Variants in DNAJA4 observed in about 807,000 individuals in gnomAD.
The protein encoded by DNAJA4 is dnaJ homolog subfamily A member 4.
DNAJA4 carries 32 observed loss-of-function variants against 39.7 expected under a neutral mutation model. That is an observed-to-expected ratio of 0.81 (90% CI 0.61 to 1.08). The LOEUF (loss-of-function observed/expected upper bound fraction) is 1.08, where lower values mean the gene tolerates loss of function less well. DNAJA4 is among the 50% of genes least tolerant of loss of function. The pLI, the probability that DNAJA4 is intolerant of heterozygous loss-of-function variation, is 0.00. For missense variants in DNAJA4, 439 were observed against 505.1 expected, an observed-to-expected ratio of 0.87 and a Z score of 1.25; for synonymous variants, 184 against 182.4, an observed-to-expected ratio of 1.01 and a Z score of -0.07.
rs1469879702 is a variant in DNAJA4 at position 78,280,046 on chromosome 15, T to A, written c.879T>A (p.Gly293=). ...NRILVITSKA[G]EVIKHGDLRC... ...CCTAATTGACCCTTTCTCTGGCAGG[T>A]GAGGTGATAAAGCACGGGGACCTGA... The change falls in exon 6 of 7, where the codon GGT becomes GGA. Residue 293 remains glycine (G), a splice_region_variant and synonymous_variant. Coordinates refer to ENST00000394852, the MANE Select transcript of DNAJA4 (RefSeq NM_001130182.2). 8.7e-6 allele frequency: 14 copies of A among 1,613,920 alleles called. No individual in the cohort carries two copies. Among genetic ancestry groups the A allele is most frequent in the Non-Finnish European group, 1.2e-5 (14 of 1,179,874 alleles).
In DNAJA4 at chr15:78,280,307, C is replaced by T; in HGVS notation, c.1041C>T (p.Leu347=). The T allele has an allele frequency of 6.2e-7, 1 of 1,614,240 alleles. No individual in the cohort carries two copies. Among genetic ancestry groups the T allele is most frequent in the Non-Finnish European group, 8.5e-7 (1 of 1,180,050 alleles). ...LEKLPQLEAL[L]PPRQKVRITD... ...AGCTTCCTCAGCTGGAAGCTTTACTCCCTCCTCGACAGAAAGTGAGGATTA... is the reference window on the plus strand; with the variant it reads ...AGCTTCCTCAGCTGGAAGCTTTACTTCCTCCTCGACAGAAAGTGAGGATTA... The change falls in exon 7 of 7, where the codon CTC becomes CTT. Residue 347 remains leucine (L), a synonymous_variant. Coordinates refer to ENST00000394852, the MANE Select transcript of DNAJA4 (RefSeq NM_001130182.2).
rs71148512 is a variant in DNAJA4, at chr15:78,267,465, G to GTT, written c.132+2579_132+2580dup. Among the ~76,000 whole-genome samples the GTT allele has an allele frequency of 9.5e-4, 141 of 148,020 alleles. 1 individual carries two copies. Among genetic ancestry groups the GTT allele is most frequent in the South Asian group, 6.7e-3 (31 of 4,652 alleles). On this transcript the variant is annotated intron_variant, in intron 1 of 6. Coordinates refer to ENST00000394852, the MANE Select transcript of DNAJA4 (RefSeq NM_001130182.2). ...ATGGAGTCTGTACTTCTCTGCGGGT[G>GTT]TTTTTTTTTTGTTTTTTGTTTTTTT...
At chr15:78,266,319 G>C (rs748114839) in intron 1 of DNAJA4, 1 of 1,600,058 alleles carries the variant, frequency 6.2e-7, no homozygotes. Context: ...TGTGTATACA[G>C]TTAGAGCTGA....
intron 3 of DNAJA4, among the ~76,000 whole-genome samples, chr15:78,273,448 C>T (rs893791557): frequency 2.0e-5 from 3 of 152,154 alleles, no homozygotes; most frequent in Admixed American, 2.0e-4. Context: ...TTATTATACT[C>T]TAAGTTTTAG....
At chr15:78,277,423 A>G (rs1159964212) in intron 5 of DNAJA4, among the ~76,000 whole-genome samples, 1 of 152,238 alleles carries the variant, frequency 6.6e-6, no homozygotes, top group Admixed American at 6.5e-5. Flanking sequence ...GCACTGCAGT[A>G]TAATGCAAAA....
intron 5 of DNAJA4, among the ~76,000 whole-genome samples, chr15:78,276,357 C>T (rs755777941): frequency 9.2e-5 from 14 of 152,372 alleles, no homozygotes; most frequent in Non-Finnish European, 7.3e-5. Flanking sequence ...GGTCTGCACA[C>T]ACCCATGGGA....
In DNAJA4 at chr15:78,270,574, G is replaced by C. The variant is rs1302176995; in HGVS notation, c.210G>C (p.Gln70His). The C allele has an allele frequency of 6.2e-7, 1 of 1,614,184 alleles. No individual in the cohort carries two copies. The highest frequency in any genetic ancestry group is 1.7e-5 in the Admixed American group (1 of 60,026). ...ATGTTTATGACCAAGGCGGAGAGCA[G>C]GCAATTAAAGAAGGAGGCTCAGGCA... The part of the protein sequence containing the change: ...KRDVYDQGGE[Q>H]AIKEGGSGSP... The change falls in exon 2 of 7, where the codon CAG becomes CAC. Residue 70 changes from glutamine to histidine, a missense_variant. Coordinates refer to ENST00000394852, the MANE Select transcript of DNAJA4 (RefSeq NM_001130182.2).
Position 78,281,807 on chromosome 15 carries a change from G to A in DNAJA4, c.*1347G>A, listed in dbSNP as rs2049667018. 6.6e-6 allele frequency: 1 copy of A among 152,212 alleles called. No homozygotes were observed. Among genetic ancestry groups the A allele is most frequent in the African/African-American group, 2.4e-5 (1 of 41,448 alleles). The allele number at this position is 152,212 out of a possible 1,614,324, so 9.4% of individuals were successfully genotyped here. On this transcript the variant is annotated 3_prime_UTR_variant, in exon 7 of 7. Coordinates refer to ENST00000394852, the MANE Select transcript of DNAJA4 (RefSeq NM_001130182.2). ...GGATCTTCCTTAGGAGGGTCAAAGT[G>A]CAGATCAGACCATGCAGGTAAGGTG... is the stretch of plus-strand genomic sequence containing the variant.
chr15:78,271,153 C>T (rs2049284433), intron 2 of DNAJA4, among the ~76,000 whole-genome samples: 1 of 152,188 alleles, frequency 6.6e-6, no homozygotes, highest in Non-Finnish European at 1.5e-5. Context: ...CTCAGGCTAC[C>T]TGGAAACTCT....
chr15:78,264,820 G>C lies in DNAJA4; in HGVS notation c.57G>C (p.Pro19=), dbSNP rs913811412. The C allele has an allele frequency of 7.4e-6, 12 of 1,611,050 alleles. No individual in the cohort carries two copies. Among genetic ancestry groups the C allele is most frequent in the African/African-American group, 2.7e-5 (2 of 74,726 alleles). Residue 19 remains proline, a synonymous_variant, in exon 1 of 7, where the codon CCG becomes CCC. Coordinates refer to ENST00000394852, the MANE Select transcript of DNAJA4 (RefSeq NM_001130182.2). Reference sequence around the variant, plus strand: ...TGGGCGTGAAGCCCAGCGCGTCCCCGGAGGAGATCAAGAAGGCCTATCGGA... The same window carrying C: ...TGGGCGTGAAGCCCAGCGCGTCCCCCGAGGAGATCAAGAAGGCCTATCGGA... ...DILGVKPSAS[P]EEIKKAYRKL... is the part of the protein sequence containing the mutation.
At chr15:78,278,174 C>A (rs138658488) in intron 5 of DNAJA4, 1 of 455,926 alleles carries the variant, frequency 2.2e-6, no homozygotes, top group Admixed American at 2.3e-5. Context: ...ATTTACCTGC[C>A]GGGAGAGCCT....
chr15:78,267,954 CA>C (rs2049188607), intron 1 of DNAJA4, among the ~76,000 whole-genome samples: 1 of 152,158 alleles, frequency 6.6e-6, no homozygotes, highest in Non-Finnish European at 1.5e-5. Context: ...ACTCGTCTCC[CA>C]CTGGGAGAAG....
chr15:78,267,173 AGTG>A (rs376950579), intron 1 of DNAJA4, among the ~76,000 whole-genome samples: 1,377 of 92,378 alleles, frequency 0.015, 24 homozygotes, highest in Middle Eastern at 0.046. Flanking sequence ...TGAGTGTGTG[AGTG>A]TGTGAGTGTG....
At chr15:78,266,101 C>T (rs2049115584) in intron 1 of DNAJA4, 1 of 750,880 alleles carries the variant, frequency 1.3e-6, no homozygotes, top group Non-Finnish European at 2.2e-6. Context: ...CTTACTGTAG[C>T]TTTTAAAGGC....
At chr15:78,267,752 C>T (rs1204606590) in intron 1 of DNAJA4, among the ~76,000 whole-genome samples, 1 of 152,126 alleles carries the variant, frequency 6.6e-6, no homozygotes, top group Non-Finnish European at 1.5e-5. Flanking sequence ...CCAAGCTTTC[C>T]CCAGTATGAT....
At position 78,280,726 on chromosome 15, in the gene DNAJA4, G is replaced by A. The variant is rs1053955047; in HGVS notation, c.*266G>A. On this transcript the variant is annotated 3_prime_UTR_variant, in exon 7 of 7. Transcript: ENST00000394852. ...TTCTATTTTCAGGATATACTTTTGA[G>A]ATGTCAGTGATTGCACCAATACTTT... 1.1e-5 allele frequency: 4 copies of A among 365,648 alleles called. No individual in the cohort carries two copies. The highest frequency in any genetic ancestry group is 6.2e-5 in the African/African-American group (3 of 48,064). 22.7% of individuals were successfully genotyped at this position (365,648 alleles called of 1,614,324 possible). A position where few individuals can be genotyped will look rare whatever the true frequency, so the allele number is the denominator to read the frequency against.
chr15:78,275,753 T>C lies in DNAJA4; in HGVS notation c.877+25T>C, dbSNP rs371732302. ...GGTAATGTTTCAAAGTGTGTTTCCA[T>C]TGATGTTCTGTATGTTTGGCATAAT... On this transcript the variant is annotated intron_variant, in intron 5 of 6. Coordinates refer to ENST00000394852, the MANE Select transcript of DNAJA4 (RefSeq NM_001130182.2). 2.1e-5 allele frequency: 32 copies of C among 1,512,938 alleles called. No individual in the cohort carries two copies. In the East Asian group the frequency reaches 5.7e-4, roughly 27 times the overall value. The allele number at this position is 1,512,938 out of a possible 1,614,324, so 93.7% of individuals were successfully genotyped here.
chr15:78,267,764 A>G (rs774408922), intron 1 of DNAJA4, among the ~76,000 whole-genome samples: 13 of 152,192 alleles, frequency 8.5e-5, no homozygotes, highest in Non-Finnish European at 1.2e-4. Context: ...CAGTATGATC[A>G]TACATGGCCA....
upstream of DNAJA4, chr15:78,264,229 G>A (rs62007805): frequency 0.4 from 414,217 of 1,029,654 alleles, 85,587 homozygotes; most frequent in Middle Eastern, 0.43. Flanking sequence ...CGGACCCACG[G>A]AAGGGCAAGG....
Sources: allele counts gnomAD v4.1 joint callset (sites outside exome capture counted in the v4.1 genomes callset), GRCh38; gene constraint gnomAD v4.1.1; transcripts MANE v1.5; gene names NCBI Gene and HGNC (gene_info 2026-07-23, HGNC 2026-07-21).